PRKN: variants seen among roughly 807,000 people sequenced by gnomAD.
PRKN encodes the protein parkin RBR E3 ubiquitin protein ligase, also known as E3 ubiquitin-protein ligase parkin.
PRKN carries 56 observed loss-of-function variants against 59.5 expected under a neutral mutation model. The ratio of observed to expected loss-of-function variants is 0.94; its 90% CI spans 0.76 to 1.18. The LOEUF (loss-of-function observed/expected upper bound fraction) is 1.18, where lower values mean the gene tolerates loss of function less well. Among genes scored for constraint, PRKN ranks in the 50% most tolerant of loss-of-function variants. PRKN has a pLI of 0.00. For synonymous variants in PRKN, 250 were observed against 222.1 expected, an observed-to-expected ratio of 1.13 and a Z score of -1.12; for missense variants, 657 against 596.4, an observed-to-expected ratio of 1.10 and a Z score of -1.06.
intron 5 of PRKN, among the ~76,000 whole-genome samples, chr6:162,000,841 C>A (rs565620907): frequency 1.4e-5 from 1 of 70,396 alleles, no homozygotes; most frequent in South Asian, 4.5e-4. Flanking sequence ...AGATCTGTTT[C>A]CAGATTTTTT....
intron 1 of PRKN, among the ~76,000 whole-genome samples, chr6:162,617,184 ATATT>A (rs1782458576): frequency 6.6e-6 from 1 of 152,130 alleles, no homozygotes; most frequent in Non-Finnish European, 1.5e-5. Flanking sequence ...TGTTGTGAGA[ATATT>A]TAAAATCTAT....
chr6:161,574,191 G>A (rs1171176747), intron 7 of PRKN, among the ~76,000 whole-genome samples: 3 of 152,058 alleles, frequency 2.0e-5, no homozygotes, highest in East Asian at 1.9e-4. Context: ...GTGGGAAATG[G>A]CCAGATATAA....
At chr6:162,643,648 A>G (rs1237629940) in intron 1 of PRKN, among the ~76,000 whole-genome samples, 1 of 152,126 alleles carries the variant, frequency 6.6e-6, no homozygotes, top group African/African-American at 2.4e-5. Context: ...TCTAATAAAA[A>G]GCAATCACTA....
Position 161,473,771 on chromosome 6 carries a change from T to C in PRKN, c.1083+75083A>G, listed in dbSNP as rs942804394. ...CCATGAAGATGATAAGTATGTTAAT[T>C]TGCTTGAGTATAGTAACCACTTCAC... On this transcript the variant is annotated intron_variant, in intron 9 of 11. Transcript: ENST00000366898. The surrounding 1 kb of genome is among the most constrained non-coding windows in gnomAD (Gnocchi z 4.1). Among the ~76,000 whole-genome samples, 6 of 152,164 alleles carry C rather than the reference T, an allele frequency of 3.9e-5. No individual in the cohort carries two copies. Among genetic ancestry groups the C allele is most frequent in the Non-Finnish European group, 7.3e-5 (5 of 68,030 alleles).
At position 161,525,549 on chromosome 6, in the gene PRKN, A is replaced by C. The variant is rs1248264114; in HGVS notation, c.1083+23305T>G. The stretch of plus-strand genomic sequence containing the variant: ...GATGTTTTTATTATAAGATCAGAGA[A>C]GGAAAAATGATCAGAAAGCAAAGAG... On this transcript the variant is annotated intron_variant, in intron 9 of 11. Coordinates refer to ENST00000366898, the MANE Select transcript of PRKN (RefSeq NM_004562.3). This position sits in a 1 kb window ranked among gnomAD's most constrained non-coding sequence, Gnocchi z 4.7. Among the ~76,000 whole-genome samples, 1 of 152,208 alleles carries C rather than the reference A, an allele frequency of 6.6e-6. No individual in the cohort carries two copies. Among genetic ancestry groups the C allele is most frequent in the Admixed American group, 6.5e-5 (1 of 15,284 alleles).
At chr6:162,461,265 G>A (rs1213721787) in intron 1 of PRKN, among the ~76,000 whole-genome samples, 2 of 151,832 alleles carry the variant, frequency 1.3e-5, no homozygotes, top group Admixed American at 1.3e-4. Context: ...ACTTTAGGAG[G>A]CCGAGGCGGG....
At chr6:162,547,404 A>T (rs67368176) in intron 1 of PRKN, among the ~76,000 whole-genome samples, 14,075 of 152,210 alleles carry the variant, frequency 0.092, 762 homozygotes, top group Middle Eastern at 0.18. Context: ...AATATTTTAC[A>T]TCCATATAGT....
chr6:161,534,608 G>A (rs113853346), intron 9 of PRKN, among the ~76,000 whole-genome samples: 13,554 of 152,234 alleles, frequency 0.089, 934 homozygotes, highest in African/African-American at 0.19. Flanking sequence ...CCCCTGCACA[G>A]TTACGTGTTG....
intron 3 of PRKN, among the ~76,000 whole-genome samples, chr6:162,260,616 T>C (rs1366470051): frequency 2.0e-5 from 3 of 152,108 alleles, no homozygotes; most frequent in East Asian, 1.9e-4. Flanking sequence ...CCAAGGGCAA[T>C]TTTATGATAA....
chr6:162,041,762 A>G (rs1415454442), intron 5 of PRKN, among the ~76,000 whole-genome samples: 1 of 152,206 alleles, frequency 6.6e-6, no homozygotes, highest in African/African-American at 2.4e-5. Context: ...TTAATGGATT[A>G]TAGCCCCTAA....
At chr6:161,917,363 C>T (rs1056180921) in intron 6 of PRKN, among the ~76,000 whole-genome samples, 3 of 152,170 alleles carry the variant, frequency 2.0e-5, no homozygotes, top group African/African-American at 4.8e-5. Context: ...ACCTCGTCAT[C>T]CCAAAGTGTT....
rs533338221 is a variant in PRKN at position 161,761,921 on chromosome 6, G to A, written c.871+23851C>T. Among the ~76,000 whole-genome samples, 211 of 152,308 alleles carry A rather than the reference G, an allele frequency of 1.4e-3. 1 individual carries two copies. The highest frequency in any genetic ancestry group is 4.8e-3 in the African/African-American group (201 of 41,568). On this transcript the variant is annotated intron_variant, in intron 7 of 11. Transcript: ENST00000366898. ...AGGTAGTGATTCCAGAATGGAACAG[G>A]ACATGAGCACCTTGGAGGACAGGAC...
intron 7 of PRKN, among the ~76,000 whole-genome samples, chr6:161,585,717 C>T (rs1781499163): frequency 6.6e-6 from 1 of 152,038 alleles, no homozygotes; most frequent in Non-Finnish European, 1.5e-5. Context: ...AGCCGTTTGG[C>T]TCTTCCCTAG....
chr6:162,075,752 A>C (rs1034625112), intron 4 of PRKN, among the ~76,000 whole-genome samples: 1 of 152,138 alleles, frequency 6.6e-6, no homozygotes, highest in South Asian at 2.1e-4. Context: ...CAAGGGTCCT[A>C]AAGGGCAACA....
At chr6:161,406,175 T>C (rs1268663466) in intron 9 of PRKN, among the ~76,000 whole-genome samples, 1 of 150,992 alleles carries the variant, frequency 6.6e-6, no homozygotes, top group African/African-American at 2.4e-5. Flanking sequence ...CACATATATA[T>C]ACATACATAT....
chr6:162,399,122 C>T (rs1038060031), intron 2 of PRKN, among the ~76,000 whole-genome samples: 2 of 152,152 alleles, frequency 1.3e-5, no homozygotes, highest in Non-Finnish European at 2.9e-5. Flanking sequence ...ACAATCCCCT[C>T]CCCATTTTTT....
At chr6:162,082,167 C>T (rs1433102234) in intron 4 of PRKN, among the ~76,000 whole-genome samples, 1 of 151,944 alleles carries the variant, frequency 6.6e-6, no homozygotes, top group African/African-American at 2.4e-5. Context: ...GGGGGTAGGT[C>T]TTTCCCATGA....
At chr6:161,507,974 G>A (rs1451235938) in intron 9 of PRKN, among the ~76,000 whole-genome samples, 1 of 152,134 alleles carries the variant, frequency 6.6e-6, no homozygotes, top group Non-Finnish European at 1.5e-5. Flanking sequence ...TCTGACACAT[G>A]GGAATGCCTT....
chr6:162,006,701 TG>T (rs1782270311), intron 5 of PRKN, among the ~76,000 whole-genome samples: 3 of 152,196 alleles, frequency 2.0e-5, no homozygotes, highest in African/African-American at 7.2e-5. Context: ...TTTGCACATC[TG>T]GCTCAATCTT....
Sources: allele counts gnomAD v4.1 joint callset (sites outside exome capture counted in the v4.1 genomes callset), GRCh38; gene constraint gnomAD v4.1.1; non-coding constraint Gnocchi (gnomAD v3.1); transcripts MANE v1.5; gene names NCBI Gene and HGNC (gene_info 2026-07-23, HGNC 2026-07-21).